Variants in DNAH3 observed in about 807,000 individuals in gnomAD.
DNAH3 encodes the protein axonemal beta dynein heavy chain 3.
Under a neutral mutation model 432.5 loss-of-function variants are expected in DNAH3, and 332 were observed. The ratio of observed to expected loss-of-function variants is 0.77; its 90% CI spans 0.70 to 0.84. The LOEUF is 0.84. Ranked by LOEUF, DNAH3 falls within the 40% of genes least tolerant of loss-of-function variation. The probability of loss-of-function intolerance (pLI) is 0.00; values close to 1 mark genes in which losing one functional copy is unlikely to be tolerated. For missense variants in DNAH3, 4,861 were observed against 5,114.0 expected (o/e 0.95, Z 1.51); for synonymous variants, 1,956 against 1,900.2 (o/e 1.03, Z -0.76).
intron 52 of DNAH3, among the ~76,000 whole-genome samples, chr16:20,965,965 G>A (rs1026489060): frequency 3.5e-5 from 5 of 141,110 alleles, no homozygotes; most frequent in East Asian, 2.1e-4. Flanking sequence ...TGCCTACCTC[G>A]GCCTCCCAAA....
At chr16:21,054,236 G>A (rs1196209922) in intron 28 of DNAH3, among the ~76,000 whole-genome samples, 184 bp downstream of exon 28, 1 of 152,156 alleles carries the variant, frequency 6.6e-6, no homozygotes, top group Admixed American at 6.5e-5. Context: ...GGTTGCGGAT[G>A]GGAGAGGAAA....
At chr16:21,026,518 T>C (rs1016198332) in intron 38 of DNAH3, among the ~76,000 whole-genome samples, 2 of 151,570 alleles carry the variant, frequency 1.3e-5, no homozygotes, top group African/African-American at 4.8e-5. Flanking sequence ...CTGGCCAACA[T>C]GGTGAAACCC....
At chr16:21,074,771 C>T (rs541457423) in intron 21 of DNAH3, among the ~76,000 whole-genome samples, 1 of 152,166 alleles carries the variant, frequency 6.6e-6, no homozygotes, top group South Asian at 2.1e-4. Flanking sequence ...CAACCTGTTG[C>T]CTCCATGATT....
chr16:21,054,430 G>T, exon 28 of DNAH3: 4 of 1,613,812 alleles, frequency 2.5e-6, no homozygotes, highest in Non-Finnish European at 3.4e-6. Context: ...CGTGGACATC[G>T]ATGACCGTGA....
chr16:21,067,600 A>G (rs781021653), intron 23 of DNAH3, among the ~76,000 whole-genome samples, 181 bp from the exon 24 acceptor site: 1 of 151,894 alleles, frequency 6.6e-6, no homozygotes, highest in Non-Finnish European at 1.5e-5. Context: ...TCCTCTGATC[A>G]TGGTTGACTG....
rs760106857 is a variant in DNAH3, at chr16:21,042,048, A to G, written c.4617T>C (p.Ala1539=). 3 of 1,613,892 alleles carry G rather than the reference A, an allele frequency of 1.9e-6. No homozygotes were observed. In the African/African-American group the frequency reaches 4.0e-5, roughly 22 times the overall value. ...TTACCTTGAGATTGTCGGGCAGTTC[A>G]GCCCTGCCAGCATACCCGGGGTTCA... The change falls in exon 32 of 62, where the codon GCT becomes GCC. Residue 1539 remains alanine (A), a synonymous_variant. Transcript: ENST00000261383.
At chr16:21,138,035 G>A (rs2092667471) in intron 5 of DNAH3, among the ~76,000 whole-genome samples, 1 of 151,946 alleles carries the variant, frequency 6.6e-6, no homozygotes. Context: ...ATCACCTGAA[G>A]TCAGGAGTTT....
In DNAH3 at chr16:21,060,338, G is replaced by A. The variant is rs2090300813; in HGVS notation, c.3739C>T (p.Leu1247Phe). The change falls in exon 26 of 62, where the codon CTC (leucine) becomes TTC (phenylalanine). Residue 1247 changes from leucine to phenylalanine, a missense_variant. Leu to Phe is a conservative substitution (Grantham distance 22). Coordinates refer to ENST00000261383, the Ensembl canonical transcript of DNAH3. ...AGCATCATCTGCTCCACCTGCTGGA[G>A]CCACTTTTCCACCATGCCCTATGGA... is the stretch of plus-strand genomic sequence containing the variant. 1 of 1,613,764 alleles carries A rather than the reference G, an allele frequency of 6.2e-7. No individual in the cohort carries two copies. Among genetic ancestry groups the A allele is most frequent in the South Asian group, 1.1e-5 (1 of 91,064 alleles).
chr16:21,078,205 G>T (rs1275420088), intron 20 of DNAH3, among the ~76,000 whole-genome samples: 1 of 148,952 alleles, frequency 6.7e-6, no homozygotes, highest in African/African-American at 2.5e-5. Context: ...AACCCGGGAG[G>T]TGAAGGTTGC....
At chr16:21,017,234 C>A (rs1200522341) in intron 41 of DNAH3, among the ~76,000 whole-genome samples, 1 of 152,142 alleles carries the variant, frequency 6.6e-6, no homozygotes, top group Non-Finnish European at 1.5e-5. Flanking sequence ...GAATGCATGA[C>A]AATCTGACTA....
chr16:21,098,443 A>T (rs1339506547), intron 17 of DNAH3, among the ~76,000 whole-genome samples, 173 bp downstream of exon 17: 2 of 150,442 alleles, frequency 1.3e-5, no homozygotes. Context: ...TGTCTCAAAA[A>T]AAAAAAAAAA....
At chr16:21,029,900 C>T (rs1157825877) in intron 37 of DNAH3, among the ~76,000 whole-genome samples, 1 of 152,168 alleles carries the variant, frequency 6.6e-6, no homozygotes, top group African/African-American at 2.4e-5. Flanking sequence ...TGAAGGCTCA[C>T]AGTAGCCATG....
At chr16:21,033,476 G>C (rs1383898514) in intron 36 of DNAH3, among the ~76,000 whole-genome samples, 1 of 152,008 alleles carries the variant, frequency 6.6e-6, no homozygotes, top group Non-Finnish European at 1.5e-5. Flanking sequence ...GGAAAACAGA[G>C]GATAACACAG....
chr16:21,135,596 G>C (rs1413759225), intron 6 of DNAH3, among the ~76,000 whole-genome samples: 3 of 152,184 alleles, frequency 2.0e-5, no homozygotes, highest in African/African-American at 7.2e-5. Context: ...AGGAGGCTGA[G>C]GCAGGAGAAT....
rs528107221 is a variant in DNAH3, at chr16:21,141,460, C to G, written c.449-88G>C. The G allele has an allele frequency of 3.0e-5, 28 of 939,614 alleles. No individual in the cohort carries two copies. The African/African-American group carries it at 4.5e-4, about 15-fold the overall frequency. 58.2% of individuals were successfully genotyped at this position (939,614 alleles called of 1,614,324 possible). A position where few individuals can be genotyped will look rare whatever the true frequency, so the allele number is the denominator to read the frequency against. Reference sequence around the variant, plus strand: ...CAGGGGCATGACTCTCGGAACAGTCCAGGAGCACACTAAGGGGAGCGGACA... The same window carrying G: ...CAGGGGCATGACTCTCGGAACAGTCGAGGAGCACACTAAGGGGAGCGGACA... On this transcript the variant is annotated intron_variant, in intron 3 of 61. Coordinates refer to ENST00000261383, the Ensembl canonical transcript of DNAH3.
intron 11 of DNAH3, among the ~76,000 whole-genome samples, chr16:21,120,338 T>C (rs1253658859): frequency 6.6e-6 from 1 of 152,098 alleles, no homozygotes; most frequent in Non-Finnish European, 1.5e-5. Context: ...CCTCAAGCAA[T>C]CTTCCTGCTT....
At chr16:21,104,301 T>C (rs1243658224) in intron 16 of DNAH3, 170 bp downstream of exon 16, 2 of 637,324 alleles carry the variant, frequency 3.1e-6, no homozygotes. Context: ...AAAGAAAACA[T>C]CCCTCAGTGG....
At chr16:20,950,124 G>A (rs1647985652) in intron 56 of DNAH3, among the ~76,000 whole-genome samples, 2 of 152,124 alleles carry the variant, frequency 1.3e-5, no homozygotes, top group African/African-American at 2.4e-5. Context: ...CTGGGACTAT[G>A]GGTGCAAGCC....
At chr16:21,118,678 T>C (rs1467006662) in intron 11 of DNAH3, among the ~76,000 whole-genome samples, 3 of 152,190 alleles carry the variant, frequency 2.0e-5, no homozygotes, top group Non-Finnish European at 4.4e-5. Context: ...GTGGTCTGGC[T>C]TCACAACTTT....
Sources: gnomAD v4.1 joint callset for allele counts (sites outside exome capture counted in the v4.1 genomes callset) on GRCh38, gnomAD v4.1.1 for gene constraint, MANE v1.5 for transcripts, NCBI Gene and HGNC (gene_info 2026-07-23, HGNC 2026-07-21) for gene names.